Variants in TBC1D15 observed in about 807,000 individuals in gnomAD.
TBC1D15 encodes the protein TBC1 domain family member 15.
In TBC1D15, 39 loss-of-function variants were observed where a neutral mutation model predicts 95.4. The ratio of observed to expected loss-of-function variants is 0.41; its 90% confidence interval spans 0.32 to 0.53. The LOEUF (loss-of-function observed/expected upper bound fraction) is 0.53, where lower values mean the gene tolerates loss of function less well. TBC1D15 is among the 20% of genes least tolerant of loss of function. The pLI, the probability that TBC1D15 is intolerant of heterozygous loss-of-function variation, is 0.29. For synonymous variants in TBC1D15, 258 were observed against 261.3 expected (o/e 0.99, Z 0.12); for missense variants, 733 against 794.3 (o/e 0.92, Z 0.93).
At chr12:71,920,649 A>G in intron 14 of TBC1D15, 82 bp from the exon 15 acceptor site, 7 of 1,060,322 alleles carry the variant, frequency 6.6e-6, no homozygotes, top group Non-Finnish European at 1.0e-5. Flanking sequence ...CATAGAAGTC[A>G]TTCAGTGTTC....
intron 3 of TBC1D15, among the ~76,000 whole-genome samples, chr12:71,875,521 G>T (rs753651200): frequency 6.7e-6 from 1 of 149,270 alleles, no homozygotes; most frequent in Non-Finnish European, 1.5e-5. Flanking sequence ...CTTATATTTA[G>T]ATTGGTGATT....
chr12:71,904,287 A>G (rs1049749189), intron 10 of TBC1D15, among the ~76,000 whole-genome samples: 1 of 152,212 alleles, frequency 6.6e-6, no homozygotes, highest in Non-Finnish European at 1.5e-5. Flanking sequence ...GGAGATTTTG[A>G]TTAAAGAAGA....
chr12:71,894,271 GTGTCAGAA>G, intron 6 of TBC1D15: 1 of 1,456,600 alleles, frequency 6.9e-7, no homozygotes, highest in Non-Finnish European at 9.5e-7. Flanking sequence ...CAAATATTTT[GTGTCAGAA>G]TAGCATGGTG....
chr12:71,864,555 A>G (rs1394470934), intron 1 of TBC1D15, among the ~76,000 whole-genome samples: 7 of 150,478 alleles, frequency 4.7e-5, no homozygotes, highest in African/African-American at 1.7e-4. Flanking sequence ...TTGCCCAGGC[A>G]GGAGTGCAGT....
At chr12:71,842,550 A>C (rs1352252672) in intron 1 of TBC1D15, among the ~76,000 whole-genome samples, 1 of 152,086 alleles carries the variant, frequency 6.6e-6, no homozygotes, top group Non-Finnish European at 1.5e-5. Flanking sequence ...AAAATGAGGA[A>C]CCAGGTGCCG....
At chr12:71,913,634 C>T (rs1411301853) in intron 11 of TBC1D15, 192 bp from the exon 12 acceptor site, 2 of 485,052 alleles carry the variant, frequency 4.1e-6, no homozygotes, top group African/African-American at 2.1e-5. Flanking sequence ...TAAAACAACT[C>T]ATCTTTCTTA....
rs112454920 is a variant in TBC1D15, at chr12:71,923,873, A to G, written c.*669A>G. The G allele has an allele frequency of 6.4e-3, 972 of 152,698 alleles. 14 individuals are homozygous for G. The highest frequency in any genetic ancestry group is 8.1e-3 in the Non-Finnish European group (549 of 68,004). The allele number at this position is 152,698 out of a possible 1,614,324, so 9.5% of individuals were successfully genotyped here. ...TATAAGAAAGGTTAGGCATATTTTC[A>G]TTAACTGAATAAACGACTTGATTTA... On this transcript the variant is annotated 3_prime_UTR_variant, in exon 17 of 17. Transcript: ENST00000485960.
intron 10 of TBC1D15, among the ~76,000 whole-genome samples, chr12:71,904,908 C>T (rs913641968): frequency 2.6e-5 from 4 of 152,130 alleles, no homozygotes; most frequent in Non-Finnish European, 5.9e-5. Context: ...ATTCAGGACC[C>T]ACTTGATGTT....
chr12:71,889,965 A>G (rs1176542117), intron 5 of TBC1D15, among the ~76,000 whole-genome samples: 1 of 152,190 alleles, frequency 6.6e-6, no homozygotes. Context: ...GCTGCCAAGG[A>G]CATGGTCTCA....
chr12:71,921,656 TAATA>T (rs1253405794), intron 16 of TBC1D15, among the ~76,000 whole-genome samples: 15 of 152,164 alleles, frequency 9.9e-5, no homozygotes, highest in Non-Finnish European at 2.1e-4. Flanking sequence ...AAACAGCTAA[TAATA>T]AGGCAAAATG....
rs187142550 is a variant in TBC1D15 at position 71,884,211 on chromosome 12, G to A, written c.344-600G>A. ...ATGCTTACTTCACTACTAGTGTAGT[G>A]TCCTAAAAATAATTACAAAAGGAAA... On this transcript the variant is annotated intron_variant, in intron 4 of 16. Coordinates refer to ENST00000485960, the MANE Select transcript of TBC1D15 (RefSeq NM_001146213.3). Among the ~76,000 whole-genome samples the A allele has an allele frequency of 8.8e-4, 134 of 152,094 alleles. 1 individual carries two copies. The highest frequency in any genetic ancestry group is 2.7e-3 in the Admixed American group (41 of 15,278).
rs1003726172 is a variant in TBC1D15 at position 71,855,945 on chromosome 12, G to C, written c.31-16125G>C. Among the ~76,000 whole-genome samples the C allele has an allele frequency of 3.0e-4, 44 of 149,060 alleles. No individual in the cohort carries two copies. In the East Asian group the frequency reaches 6.1e-3, roughly 21 times the overall value. On this transcript the variant is annotated intron_variant, in intron 1 of 16. Transcript: ENST00000485960. ...TTGTTATTGTATGTGGTTTTTTTTG[G>C]GGGGGGGTATCTTGTTCAAATTTCA...
rs1195596311 is a variant in TBC1D15 at position 71,923,063 on chromosome 12, C to T, written c.1884C>T (p.Asp628=). The change falls in exon 17 of 17, where the codon GAC becomes GAT. Residue 628 remains aspartate, a synonymous_variant. Transcript: ENST00000485960. The part of the protein sequence containing the change: ...VTTPDSDVGE[D]ENVVMTPCPT... ...CACCAGATTCAGACGTTGGTGAAGA[C>T]GAAAATGTTGTCATGACTCCTTGTC... The T allele has an allele frequency of 5.0e-5, 80 of 1,614,176 alleles. No individual in the cohort carries two copies. Among genetic ancestry groups the T allele is most frequent in the Middle Eastern group, 1.6e-4 (1 of 6,062 alleles).
chr12:71,901,540 T>C (rs1358498892), intron 10 of TBC1D15, among the ~76,000 whole-genome samples: 1 of 152,062 alleles, frequency 6.6e-6, no homozygotes, highest in Non-Finnish European at 1.5e-5. Context: ...ATAGATAGTA[T>C]GAGATTACAT....
At chr12:71,905,313 G>C (rs1900419634) in intron 10 of TBC1D15, among the ~76,000 whole-genome samples, 1 of 152,072 alleles carries the variant, frequency 6.6e-6, no homozygotes, top group Non-Finnish European at 1.5e-5. Flanking sequence ...TGTGAAATGA[G>C]ACAGAAGCAG....
chr12:71,896,849 G>T, intron 9 of TBC1D15, 69 bp downstream of exon 9: 1 of 1,170,068 alleles, frequency 8.5e-7, no homozygotes. Context: ...TTAGTATAGG[G>T]TTTCTAGATG....
chr12:71,856,047 G>T (rs1388530110), intron 1 of TBC1D15, among the ~76,000 whole-genome samples: 1 of 151,946 alleles, frequency 6.6e-6, no homozygotes, highest in Non-Finnish European at 1.5e-5. Context: ...GGTTCACCCT[G>T]CCCCCATACT....
chr12:71,880,683 G>A (rs529542075), intron 4 of TBC1D15, 76 bp downstream of exon 4: 34 of 1,444,686 alleles, frequency 2.4e-5, no homozygotes, highest in East Asian at 7.2e-5. Flanking sequence ...AAGAAGATTC[G>A]TGAATGCTCC....
At chr12:71,905,862 T>G (rs1006797149) in intron 10 of TBC1D15, among the ~76,000 whole-genome samples, 1 of 152,076 alleles carries the variant, frequency 6.6e-6, no homozygotes, top group Non-Finnish European at 1.5e-5. Context: ...TTGTATCTCC[T>G]TATCTTTTTT....
Sources: gnomAD v4.1 joint callset for allele counts (sites outside exome capture counted in the v4.1 genomes callset) on GRCh38, gnomAD v4.1.1 for gene constraint, MANE v1.5 for transcripts, NCBI Gene and HGNC (gene_info 2026-07-23, HGNC 2026-07-21) for gene names.